FRAS1: variants seen among roughly 807,000 people sequenced by gnomAD.
FRAS1 encodes Fraser extracellular matrix complex subunit 1.
FRAS1 carries 290 observed loss-of-function variants against 435.2 expected under a neutral mutation model. The ratio of observed to expected loss-of-function variants is 0.67; its 90% CI spans 0.61 to 0.73. FRAS1 has a LOEUF of 0.73. Ranked by LOEUF, FRAS1 falls within the 30% of genes least tolerant of loss-of-function variation. The probability of loss-of-function intolerance (pLI) is 0.00; values close to 1 mark genes in which losing one functional copy is unlikely to be tolerated. For missense variants in FRAS1, 4,860 were observed against 5,001.5 expected (o/e 0.97, Z 0.85); for synonymous variants, 1,800 against 1,851.0 (o/e 0.97, Z 0.71).
At chr4:78,422,560 G>C (rs1472510186) in intron 34 of FRAS1, among the ~76,000 whole-genome samples, 1 of 142,806 alleles carries the variant, frequency 7.0e-6, no homozygotes, top group African/African-American at 2.6e-5. Context: ...CTAGCTCCAG[G>C]TACAGAGGCC....
At chr4:78,199,939 T>C (rs1467880103) in intron 2 of FRAS1, among the ~76,000 whole-genome samples, 1 of 152,216 alleles carries the variant, frequency 6.6e-6, no homozygotes, top group Non-Finnish European at 1.5e-5. Context: ...GGGAAATAGC[T>C]CTAATACTTT....
chr4:78,117,091 G>A (rs1333011453), intron 2 of FRAS1, among the ~76,000 whole-genome samples: 1 of 152,170 alleles, frequency 6.6e-6, no homozygotes, highest in Non-Finnish European at 1.5e-5. Flanking sequence ...CACTTATGAA[G>A]CTTAGTTTGT....
chr4:78,166,686 A>G (rs1473084856), intron 2 of FRAS1, among the ~76,000 whole-genome samples: 1 of 152,188 alleles, frequency 6.6e-6, no homozygotes, highest in Non-Finnish European at 1.5e-5. Flanking sequence ...ATTAATTTCA[A>G]CCACTAGTAA....
chr4:78,063,576 T>C (rs550549849), intron 1 of FRAS1, among the ~76,000 whole-genome samples: 6 of 152,230 alleles, frequency 3.9e-5, no homozygotes, highest in Non-Finnish European at 8.8e-5. Context: ...CCATTTTGGC[T>C]TGAGTCTCCA....
At chr4:78,530,474 C>G (rs983130218) in intron 70 of FRAS1, among the ~76,000 whole-genome samples, 3 of 152,100 alleles carry the variant, frequency 2.0e-5, no homozygotes. Context: ...GATAGAACTA[C>G]AACACACATA....
At chr4:78,173,645 C>T (rs1201460290) in intron 2 of FRAS1, among the ~76,000 whole-genome samples, 1 of 152,210 alleles carries the variant, frequency 6.6e-6, no homozygotes, top group Non-Finnish European at 1.5e-5. Flanking sequence ...ATTTTGACTT[C>T]ACTTGAGTGC....
At position 78,451,849 on chromosome 4, in the gene FRAS1, G is replaced by A; in HGVS notation, c.6541G>A (p.Gly2181Ser). Residue 2181 changes from glycine (G) to serine (S), a missense_variant, in exon 46 of 74, where the codon GGC (glycine) becomes AGC (serine). Physicochemically the swap from Gly to Ser is moderately conservative, Grantham distance 56. Coordinates refer to ENST00000512123, the MANE Select transcript of FRAS1 (RefSeq NM_025074.7). ...TAAATTTGATGTGGTTGATGGAGAA[G>A]GCAACAGATTGATTGACAAGTCATT... ...AFKFDVVDGE[G>S]NRLIDKSFSI... is the part of the protein sequence containing the mutation. 1 of 1,613,244 alleles carries A rather than the reference G, an allele frequency of 6.2e-7. No homozygotes were observed. Among genetic ancestry groups the A allele is most frequent in the Non-Finnish European group, 8.5e-7 (1 of 1,179,510 alleles).
chr4:78,503,266 T>C (rs540369927), intron 61 of FRAS1, among the ~76,000 whole-genome samples: 5 of 152,174 alleles, frequency 3.3e-5, no homozygotes, highest in Admixed American at 2.0e-4. Context: ...TTTTCTATTG[T>C]TGAATATTTT....
intron 2 of FRAS1, among the ~76,000 whole-genome samples, chr4:78,084,389 G>C (rs558382811): frequency 1.3e-5 from 2 of 152,064 alleles, no homozygotes; most frequent in Non-Finnish European, 2.9e-5. Context: ...TCCTTAGGCT[G>C]CAAGTTGGTG....
intron 14 of FRAS1, among the ~76,000 whole-genome samples, chr4:78,304,966 T>C (rs1242399621): frequency 2.6e-5 from 4 of 152,218 alleles, no homozygotes; most frequent in Non-Finnish European, 5.9e-5. Flanking sequence ...GGTGTCAATT[T>C]TGGATCTTTC....
At chr4:78,144,166 CAAAA>C (rs1007679969) in intron 2 of FRAS1, among the ~76,000 whole-genome samples, 2 of 149,644 alleles carry the variant, frequency 1.3e-5, no homozygotes, top group Non-Finnish European at 3.0e-5. Context: ...AAAATAAAGA[CAAAA>C]AAACTCAAGA....
intron 15 of FRAS1, among the ~76,000 whole-genome samples, chr4:78,311,271 C>T (rs999274840): frequency 6.6e-6 from 1 of 151,096 alleles, no homozygotes; most frequent in African/African-American, 2.4e-5. Flanking sequence ...TTTTTATGAG[C>T]TTATCTAACT....
intron 63 of FRAS1, 51 bp downstream of exon 63, chr4:78,509,057 GTTGTTC>G (rs1720946735): frequency 1.3e-6 from 2 of 1,582,722 alleles, no homozygotes; most frequent in South Asian, 2.2e-5. Context: ...GAGAACTGGT[GTTGTTC>G]TTTGTTACTC....
At chr4:78,207,146 C>G (rs755411213) in intron 2 of FRAS1, among the ~76,000 whole-genome samples, 1 of 152,158 alleles carries the variant, frequency 6.6e-6, no homozygotes, top group Non-Finnish European at 1.5e-5. Context: ...CTGAAGCCAC[C>G]CATTAAGCCT....
intron 59 of FRAS1, among the ~76,000 whole-genome samples, chr4:78,490,049 A>G (rs6846802): frequency 0.73 from 108,775 of 149,674 alleles, 41,237 homozygotes; most frequent in East Asian, 1. Flanking sequence ...CAAAGATCAG[A>G]GAAGACAAAG....
At chr4:78,493,632 A>T (rs920619659) in intron 59 of FRAS1, among the ~76,000 whole-genome samples, 12 of 152,066 alleles carry the variant, frequency 7.9e-5, no homozygotes, top group Non-Finnish European at 1.8e-4. Context: ...AGGGAGGGGA[A>T]CATCACACAC....
intron 27 of FRAS1, among the ~76,000 whole-genome samples, chr4:78,383,391 C>T (rs1015543866): frequency 1.3e-5 from 2 of 152,152 alleles, no homozygotes; most frequent in African/African-American, 4.8e-5. Flanking sequence ...TGCTTATAGG[C>T]TTCATTCATT....
At chr4:78,122,034 T>C (rs1719060058) in intron 2 of FRAS1, among the ~76,000 whole-genome samples, 1 of 152,196 alleles carries the variant, frequency 6.6e-6, no homozygotes, top group Non-Finnish European at 1.5e-5. Flanking sequence ...ACATGCAGTT[T>C]TGTTACATAG....
At chr4:78,306,897 G>A (rs532415839) in intron 14 of FRAS1, among the ~76,000 whole-genome samples, 4,774 of 152,226 alleles carry the variant, frequency 0.031, 263 homozygotes, top group African/African-American at 0.11. Context: ...GCTTTGTTCC[G>A]TTGCTGGTGA....
Sources: gnomAD v4.1 joint callset for allele counts (sites outside exome capture counted in the v4.1 genomes callset) on GRCh38, gnomAD v4.1.1 for gene constraint, MANE v1.5 for transcripts, NCBI Gene and HGNC (gene_info 2026-07-23, HGNC 2026-07-21) for gene names.